The following FOXP1 variants were observed in gnomAD, a reference collection of about 807,000 sequenced individuals.
FOXP1 encodes the protein forkhead box P1, also known as forkhead box protein P1.
A neutral mutation model predicts 98.2 loss-of-function variants in FOXP1; 15 were observed. That is an observed-to-expected ratio of 0.15 (90% CI 0.10 to 0.24). The LOEUF (loss-of-function observed/expected upper bound fraction) is 0.24, where lower values mean the gene tolerates loss of function less well. Among genes scored for constraint, FOXP1 ranks in the 10% least tolerant of loss-of-function variants. The pLI is 1.00. For missense variants in FOXP1, 633 were observed against 848.5 expected (o/e 0.75, Z 3.15); for synonymous variants, 371 against 314.5 (o/e 1.18, Z -1.90).
chr3:71,290,522 C>G (rs1395507183), intron 5 of FOXP1, among the ~76,000 whole-genome samples: 1 of 152,168 alleles, frequency 6.6e-6, no homozygotes, highest in Non-Finnish European at 1.5e-5. Context: ...TGCCTATGAC[C>G]TCATCCACCC....
intron 1 of FOXP1, among the ~76,000 whole-genome samples, chr3:71,583,141 G>C (rs1285709634): frequency 6.6e-6 from 1 of 152,022 alleles, no homozygotes; most frequent in Non-Finnish European, 1.5e-5. Context: ...CAGGCGGCCT[G>C]GGCTTATTGA....
intron 5 of FOXP1, among the ~76,000 whole-genome samples, chr3:71,213,329 T>G (rs2064645882): frequency 6.6e-6 from 1 of 152,228 alleles, no homozygotes; most frequent in Admixed American, 6.5e-5. Flanking sequence ...CCTATTTACA[T>G]TCAGCAGAAT....
intron 6 of FOXP1, among the ~76,000 whole-genome samples, chr3:71,115,384 T>C (rs1179939752): frequency 6.6e-6 from 1 of 151,858 alleles, no homozygotes; most frequent in East Asian, 1.9e-4. Flanking sequence ...TCACCCAGGC[T>C]GGAGTGCAGT....
In FOXP1 at chr3:71,228,715, A is replaced by C. The variant is rs149346190; in HGVS notation, c.-11-30323T>G. On this transcript the variant is annotated intron_variant, in intron 5 of 20. Transcript: ENST00000649528. ...TTAATGAATTGGTAAATAAGGGTGA[A>C]GATTACACTCTATGACACTGAAACA... Among the ~76,000 whole-genome samples, 128 of 152,336 alleles carry C rather than the reference A, an allele frequency of 8.4e-4. 1 individual carries two copies. Among genetic ancestry groups the C allele is most frequent in the African/African-American group, 2.8e-3 (118 of 41,582 alleles).
At chr3:71,195,419 T>C (rs1188995921) in intron 6 of FOXP1, among the ~76,000 whole-genome samples, 2 of 152,212 alleles carry the variant, frequency 1.3e-5, no homozygotes, top group Admixed American at 1.3e-4. Flanking sequence ...GTATCCTCAA[T>C]GATGGTATTG....
chr3:71,418,150 TC>T (rs2083365668), intron 3 of FOXP1, among the ~76,000 whole-genome samples: 1 of 150,658 alleles, frequency 6.6e-6, no homozygotes, highest in Non-Finnish European at 1.5e-5. Context: ...TGTGTGTGTT[TC>T]CACTGAATTG....
intron 5 of FOXP1, among the ~76,000 whole-genome samples, chr3:71,235,603 G>A (rs1345111884): frequency 6.6e-6 from 1 of 151,768 alleles, no homozygotes; most frequent in African/African-American, 2.4e-5. Context: ...GTCTCACTCT[G>A]TTGCCCAGGC....
chr3:71,363,581 C>T (rs2078719253), intron 3 of FOXP1, among the ~76,000 whole-genome samples: 1 of 152,176 alleles, frequency 6.6e-6, no homozygotes, highest in African/African-American at 2.4e-5. Flanking sequence ...TCTTTAAATG[C>T]TGCCCTTCCC....
intron 6 of FOXP1, among the ~76,000 whole-genome samples, chr3:71,129,086 G>A (rs934099988): frequency 1.3e-5 from 2 of 151,988 alleles, no homozygotes; most frequent in African/African-American, 2.4e-5. Context: ...AAAACAAAAC[G>A]AGCGAGCTGG....
chr3:71,255,783 TGAAAC>T (rs1188864149), intron 5 of FOXP1, among the ~76,000 whole-genome samples: 3 of 152,198 alleles, frequency 2.0e-5, no homozygotes, highest in Non-Finnish European at 2.9e-5. Flanking sequence ...TAAAAGGGTC[TGAAAC>T]GAAACTCAAG....
rs76145927 is a variant in FOXP1, at chr3:70,972,152, T to C, written c.1652+403A>G. 3,733 of 1,532,252 alleles carry C rather than the reference T, an allele frequency of 2.4e-3. 75 individuals carry two copies. In the East Asian group the frequency reaches 0.054, roughly 22 times the overall value. The allele number at this position is 1,532,252 out of a possible 1,614,324, so 94.9% of individuals were successfully genotyped here. Reference sequence around the variant, plus strand: ...ATCCTCTACTCTGATAAAGCACTTATGCAGTGAGAGGTTGGTGCGAATGGC... The same window carrying C: ...ATCCTCTACTCTGATAAAGCACTTACGCAGTGAGAGGTTGGTGCGAATGGC... On this transcript the variant is annotated intron_variant, in intron 18 of 20. Coordinates refer to ENST00000649528, the MANE Select transcript of FOXP1 (RefSeq NM_001349338.3).
chr3:71,554,971 T>C (rs1176998299), intron 2 of FOXP1, among the ~76,000 whole-genome samples: 1 of 152,168 alleles, frequency 6.6e-6, no homozygotes, highest in African/African-American at 2.4e-5. Flanking sequence ...ATGGTCAACT[T>C]CCTTGAAAAA....
intron 19 of FOXP1, among the ~76,000 whole-genome samples, chr3:70,966,851 T>C (rs937025925): frequency 2.6e-5 from 4 of 152,192 alleles, no homozygotes; most frequent in Admixed American, 2.6e-4. Flanking sequence ...TTATTTAGGA[T>C]AGGTAGGATA....
chr3:71,407,557 TGACATC>T (rs2082436652), intron 3 of FOXP1, among the ~76,000 whole-genome samples: 1 of 152,160 alleles, frequency 6.6e-6, no homozygotes, highest in East Asian at 1.9e-4. Context: ...GGATTGTAAA[TGACATC>T]CTATCTTTAA....
chr3:71,280,736 T>C (rs957663946), intron 5 of FOXP1, among the ~76,000 whole-genome samples: 7 of 152,018 alleles, frequency 4.6e-5, no homozygotes, highest in African/African-American at 2.4e-5. Flanking sequence ...GTCTATTCCA[T>C]AATCAGTGAG....
intron 4 of FOXP1, among the ~76,000 whole-genome samples, chr3:71,323,128 G>A (rs541901913): frequency 3.3e-5 from 5 of 152,136 alleles, no homozygotes; most frequent in Middle Eastern, 3.4e-3. Flanking sequence ...GCACCACCAC[G>A]TCTGGCTAAT....
rs189599920 is a variant in FOXP1 at position 71,292,005 on chromosome 3, G to A, written c.-12+7815C>T. The stretch of plus-strand genomic sequence containing the variant: ...CAGGCCTGAGCGACTGTGCCTGGCC[G>A]CTGATTCCATTTTTTAAAAGTCTTG... On this transcript the variant is annotated intron_variant, in intron 5 of 20. Coordinates refer to ENST00000649528, the MANE Select transcript of FOXP1 (RefSeq NM_001349338.3). Among the ~76,000 whole-genome samples, 514 of 152,054 alleles carry A rather than the reference G, an allele frequency of 3.4e-3. 4 individuals are homozygous for A. The highest frequency in any genetic ancestry group is 0.012 in the African/African-American group (486 of 41,494).
At position 71,378,237 on chromosome 3, in the gene FOXP1, G is replaced by C. The variant is rs146161767; in HGVS notation, c.-167-18993C>G. On this transcript the variant is annotated intron_variant, in intron 3 of 20. Coordinates refer to ENST00000649528, the MANE Select transcript of FOXP1 (RefSeq NM_001349338.3). ...TTTTGCCAGGGGAGGGGAAATACTAGTATCAGTAACTAACAGAACAATACA... is the reference window on the plus strand; with the variant it reads ...TTTTGCCAGGGGAGGGGAAATACTACTATCAGTAACTAACAGAACAATACA... Among the ~76,000 whole-genome samples the C allele has an allele frequency of 2.0e-4, 30 of 152,044 alleles. No homozygotes were observed. In the East Asian group the frequency reaches 5.6e-3, roughly 28 times the overall value.
chr3:71,144,935 G>T (rs955857236), intron 6 of FOXP1, among the ~76,000 whole-genome samples: 2 of 152,222 alleles, frequency 1.3e-5, no homozygotes, highest in Non-Finnish European at 1.5e-5. Context: ...CATATAGTGT[G>T]TAATCTTTGG....
Sources: allele counts gnomAD v4.1 joint callset (sites outside exome capture counted in the v4.1 genomes callset), GRCh38; gene constraint gnomAD v4.1.1; transcripts MANE v1.5; gene names NCBI Gene and HGNC (gene_info 2026-07-23, HGNC 2026-07-21).